TRPM3: variants seen among roughly 807,000 people sequenced by gnomAD.
TRPM3 encodes transient receptor potential cation channel subfamily M member 3.
A neutral mutation model predicts 181.2 loss-of-function variants in TRPM3; 77 were observed. That is an observed-to-expected ratio of 0.42 (90% CI 0.35 to 0.51). The LOEUF is 0.51. Ranked by LOEUF, TRPM3 falls within the 20% of genes least tolerant of loss-of-function variation. The probability of loss-of-function intolerance (pLI) is 0.01; values close to 1 mark genes in which losing one functional copy is unlikely to be tolerated. For synonymous variants in TRPM3, 745 were observed against 796.4 expected, an observed-to-expected ratio of 0.94 and a Z score of 1.09; for missense variants, 1,759 against 2,196.7, an observed-to-expected ratio of 0.80 and a Z score of 3.98.
At chr9:70,971,946 T>C (rs7046188) in intron 1 of TRPM3, among the ~76,000 whole-genome samples, 43,699 of 151,720 alleles carry the variant, frequency 0.29, 6,258 homozygotes, top group East Asian at 0.36. Flanking sequence ...TAACAATAGA[T>C]GGTGAGGATA....
chr9:70,812,437 C>T (rs2131432882), intron 6 of TRPM3, among the ~76,000 whole-genome samples: 1 of 152,318 alleles, frequency 6.6e-6, no homozygotes, highest in African/African-American at 2.4e-5. Context: ...ACTTGAAGCA[C>T]AGCCTCTAAG....
chr9:71,011,543 A>G (rs928669932), intron 1 of TRPM3, among the ~76,000 whole-genome samples: 2 of 152,042 alleles, frequency 1.3e-5, no homozygotes, highest in African/African-American at 2.4e-5. Flanking sequence ...TTCATTTCCT[A>G]TAATTTTTAA....
At chr9:71,018,708 T>C (rs1590692358) in intron 1 of TRPM3, among the ~76,000 whole-genome samples, 1 of 151,954 alleles carries the variant, frequency 6.6e-6, no homozygotes, top group East Asian at 1.9e-4. Flanking sequence ...TAGAATTTCT[T>C]CCACATATTT....
chr9:71,170,623 C>T (rs1328558055), intron 1 of TRPM3, among the ~76,000 whole-genome samples: 1 of 152,172 alleles, frequency 6.6e-6, no homozygotes, highest in Non-Finnish European at 1.5e-5. Context: ...TTACTGCAAT[C>T]TCTAAACATA....
intron 22 of TRPM3, among the ~76,000 whole-genome samples, chr9:70,567,669 A>G (rs2050995187): frequency 6.7e-6 from 1 of 148,158 alleles, no homozygotes; most frequent in African/African-American, 2.7e-5. Flanking sequence ...AGTCGTATAA[A>G]AATTGGCTAG....
At chr9:70,771,527 T>C (rs1312780967) in intron 7 of TRPM3, among the ~76,000 whole-genome samples, 2 of 152,138 alleles carry the variant, frequency 1.3e-5, no homozygotes, top group Admixed American at 1.3e-4. Flanking sequence ...GAGCCAGCTA[T>C]GGTAAAACAG....
At chr9:71,284,712 T>C (rs1368101845) in intron 1 of TRPM3, among the ~76,000 whole-genome samples, 4 of 152,238 alleles carry the variant, frequency 2.6e-5, no homozygotes, top group Non-Finnish European at 5.9e-5. Context: ...TTCACTAACA[T>C]TTACTAACTT....
rs905897706 is a variant in TRPM3 at position 70,534,171 on chromosome 9, T to G, written c.*1782A>C. On this transcript the variant is annotated 3_prime_UTR_variant, in exon 26 of 26. Transcript: ENST00000677713. ...GCCTCTACTTTAGAGTCTGTAACAC[T>G]AGCTGGTTTAAAGTTGCGTGTCTAT... is the stretch of plus-strand genomic sequence containing the variant. 1.3e-5 allele frequency: 2 copies of G among 152,184 alleles called. No homozygotes were observed. The highest frequency in any genetic ancestry group is 2.9e-5 in the Non-Finnish European group (2 of 68,028). The allele number at this position is 152,184 out of a possible 1,614,324, so 9.4% of individuals were successfully genotyped here. A position where few individuals can be genotyped will look rare whatever the true frequency, so the allele number is the denominator to read the frequency against.
intron 1 of TRPM3, among the ~76,000 whole-genome samples, chr9:71,413,044 A>G (rs1198866403): frequency 6.6e-6 from 1 of 152,142 alleles, no homozygotes; most frequent in Admixed American, 6.5e-5. Flanking sequence ...TGGGAATTGA[A>G]CAATGAGAAC....
chr9:71,322,335 G>T (rs2089300073), intron 1 of TRPM3, among the ~76,000 whole-genome samples: 1 of 152,064 alleles, frequency 6.6e-6, no homozygotes, highest in South Asian at 2.1e-4. Context: ...CCACACAAAT[G>T]ATTCATCCAG....
chr9:70,963,292 G>A (rs1184039773), intron 1 of TRPM3, among the ~76,000 whole-genome samples: 1 of 152,188 alleles, frequency 6.6e-6, no homozygotes, highest in African/African-American at 2.4e-5. Flanking sequence ...CATAACCACA[G>A]AATAAGGAAG....
intron 6 of TRPM3, among the ~76,000 whole-genome samples, chr9:70,795,753 A>G (rs1365124765): frequency 6.6e-6 from 1 of 152,270 alleles, no homozygotes; most frequent in Non-Finnish European, 1.5e-5. Flanking sequence ...TTATATACCC[A>G]GACGATAACT....
intron 8 of TRPM3, among the ~76,000 whole-genome samples, chr9:70,687,211 G>A (rs1199923668): frequency 3.3e-5 from 5 of 152,152 alleles, no homozygotes; most frequent in Admixed American, 3.3e-4. Context: ...AGAATCTGCT[G>A]AGGAGATATA....
At chr9:70,778,722 A>G (rs144098660) in intron 7 of TRPM3, among the ~76,000 whole-genome samples, 305 of 152,308 alleles carry the variant, frequency 2.0e-3, no homozygotes, top group African/African-American at 7.0e-3. Context: ...TCATGCTGGA[A>G]TACAAACCAC....
At chr9:71,202,423 G>A (rs542340113) in intron 1 of TRPM3, among the ~76,000 whole-genome samples, 8 of 152,238 alleles carry the variant, frequency 5.3e-5, no homozygotes, top group Admixed American at 4.6e-4. Context: ...TTGTCTCTAA[G>A]TTGGGCCTTT....
intron 17 of TRPM3, 99 bp from the exon 18 acceptor site, chr9:70,616,174 G>A: frequency 3.5e-6 from 3 of 866,414 alleles, no homozygotes; most frequent in Non-Finnish European, 3.4e-6. Context: ...GGGTATAAGA[G>A]TGTATGCGTG....
Position 70,680,234 on chromosome 9 carries a change from C to T in TRPM3, c.1345+1272G>A, listed in dbSNP as rs138576888. Among the ~76,000 whole-genome samples the T allele has an allele frequency of 3.0e-4, 46 of 152,284 alleles. No homozygotes were observed. In the East Asian group the frequency reaches 6.6e-3, roughly 22 times the overall value. Reference sequence around the variant, plus strand: ...AACCTTTAGCGAATTACTTAACTTCCTGTAGCTCAACTTACTCCATCTGTA... The same window carrying T: ...AACCTTTAGCGAATTACTTAACTTCTTGTAGCTCAACTTACTCCATCTGTA... On this transcript the variant is annotated intron_variant, in intron 9 of 25. Coordinates refer to ENST00000677713, the MANE Select transcript of TRPM3 (RefSeq NM_001366145.2).
At chr9:70,621,629 G>A (rs1206643465) in intron 14 of TRPM3, among the ~76,000 whole-genome samples, 2 of 152,138 alleles carry the variant, frequency 1.3e-5, no homozygotes, top group Non-Finnish European at 2.9e-5. Flanking sequence ...GCCTCCCAAA[G>A]TACTGGGATT....
chr9:71,080,892 T>C (rs921788035), intron 1 of TRPM3, among the ~76,000 whole-genome samples: 2 of 152,212 alleles, frequency 1.3e-5, no homozygotes, highest in Non-Finnish European at 2.9e-5. Flanking sequence ...ACAGTAAGCA[T>C]GAACGTCCTT....
Sources: gnomAD v4.1 joint callset for allele counts (sites outside exome capture counted in the v4.1 genomes callset) on GRCh38, gnomAD v4.1.1 for gene constraint, MANE v1.5 for transcripts, NCBI Gene and HGNC (gene_info 2026-07-23, HGNC 2026-07-21) for gene names.